MCCC1: variants seen among roughly 807,000 people sequenced by gnomAD.
MCCC1 encodes the protein methylcrotonoyl-CoA carboxylase subunit alpha, mitochondrial.
In MCCC1, 64 loss-of-function variants were observed where a neutral mutation model predicts 83.8. The ratio of observed to expected loss-of-function variants is 0.76; its 90% CI spans 0.62 to 0.94. MCCC1 has a LOEUF of 0.94. Among genes scored for constraint, MCCC1 ranks in the 40% least tolerant of loss-of-function variants. The probability of loss-of-function intolerance (pLI) is 0.00; values close to 1 mark genes in which losing one functional copy is unlikely to be tolerated. For missense variants in MCCC1, 807 were observed against 904.7 expected (o/e 0.89, Z 1.39); for synonymous variants, 322 against 315.4 (o/e 1.02, Z -0.22).
intron 14 of MCCC1, 83 bp downstream of exon 14, chr3:183,033,908 T>C (rs1713290818): frequency 9.3e-7 from 1 of 1,073,922 alleles, no homozygotes; most frequent in Non-Finnish European, 1.4e-6. Context: ...TGACTGATCA[T>C]GGCCAGGCTG....
chr3:183,038,067 C>A (rs983760555), intron 12 of MCCC1, among the ~76,000 whole-genome samples: 2 of 152,220 alleles, frequency 1.3e-5, no homozygotes, highest in African/African-American at 4.8e-5. Flanking sequence ...TCCTGAGCAT[C>A]TCTTAAGTGC....
chr3:183,115,159 T>C (rs1204531130), intron 1 of MCCC1, among the ~76,000 whole-genome samples: 2 of 152,146 alleles, frequency 1.3e-5, no homozygotes, highest in Non-Finnish European at 1.5e-5. Context: ...AGCCCTCTCA[T>C]GGAAAACAAT....
chr3:183,109,968 C>T (rs200849065), intron 1 of MCCC1, among the ~76,000 whole-genome samples: 2 of 152,106 alleles, frequency 1.3e-5, no homozygotes, highest in East Asian at 3.8e-4. Context: ...AGATGGATCT[C>T]ATTGTGATTT....
chr3:183,076,055 A>G (rs79544319), intron 4 of MCCC1, among the ~76,000 whole-genome samples: 7,239 of 152,304 alleles, frequency 0.048, 271 homozygotes, highest in Non-Finnish European at 0.066. Context: ...CTTTTGAGAT[A>G]TGATTTATAA....
intron 10 of MCCC1, among the ~76,000 whole-genome samples, 174 bp from the exon 11 acceptor site, chr3:183,041,924 A>T (rs942142492): frequency 1.3e-5 from 2 of 152,242 alleles, no homozygotes; most frequent in African/African-American, 2.4e-5. Flanking sequence ...ACAAAAAATT[A>T]AAAAACAGAT....
Position 183,061,808 on chromosome 3 carries a change from G to C in MCCC1, c.762-4386C>G, listed in dbSNP as rs544256768. On this transcript the variant is annotated intron_variant, in intron 7 of 18. Coordinates refer to ENST00000265594, the MANE Select transcript of MCCC1 (RefSeq NM_020166.5). ...TTCAAGCTCTTTACATGTTGGAGCTGAAGTGTTTGTTTTTCTAATTCCAAT... is the reference window on the plus strand; with the variant it reads ...TTCAAGCTCTTTACATGTTGGAGCTCAAGTGTTTGTTTTTCTAATTCCAAT... Among the ~76,000 whole-genome samples, 12 of 152,320 alleles carry C rather than the reference G, an allele frequency of 7.9e-5. No homozygotes were observed. The South Asian group carries it at 2.5e-3, about 32-fold the overall frequency.
chr3:183,082,811 C>CAAAA (rs1717609806), intron 4 of MCCC1, among the ~76,000 whole-genome samples: 1 of 152,050 alleles, frequency 6.6e-6, no homozygotes, highest in Non-Finnish European at 1.5e-5. Flanking sequence ...GACTTTGTTT[C>CAAAA]AAAAACAAAC....
intron 7 of MCCC1, among the ~76,000 whole-genome samples, chr3:183,060,326 G>A (rs897769425): frequency 6.6e-6 from 1 of 152,182 alleles, no homozygotes; most frequent in Non-Finnish European, 1.5e-5. Flanking sequence ...ATGGAAAGTT[G>A]AGGTCTGAGT....
intron 2 of MCCC1, among the ~76,000 whole-genome samples, chr3:183,093,531 T>C (rs554989649): frequency 1.6e-4 from 24 of 152,288 alleles, no homozygotes; most frequent in Middle Eastern, 3.4e-3. Context: ...GGCACCATAA[T>C]GACAAGCTAC....
chr3:183,071,689 G>C (rs1716704141), intron 5 of MCCC1, among the ~76,000 whole-genome samples: 1 of 141,020 alleles, frequency 7.1e-6, no homozygotes, highest in South Asian at 2.4e-4. Context: ...AAATATTATA[G>C]GTAAAACAAA....
intron 3 of MCCC1, among the ~76,000 whole-genome samples, chr3:183,088,269 C>A (rs1378701473): frequency 1.3e-5 from 2 of 150,380 alleles, no homozygotes; most frequent in Non-Finnish European, 3.0e-5. Context: ...TGTAGTGGCG[C>A]GATCTCGGCT....
At chr3:183,048,028 T>TA (rs1178878259) in intron 9 of MCCC1, among the ~76,000 whole-genome samples, 1 of 152,240 alleles carries the variant, frequency 6.6e-6, no homozygotes, top group Non-Finnish European at 1.5e-5. Context: ...ACTATGATGT[T>TA]ACAGTTGCCA....
chr3:183,030,621 A>C (rs1235841538), intron 14 of MCCC1, among the ~76,000 whole-genome samples: 1 of 152,190 alleles, frequency 6.6e-6, no homozygotes, highest in Admixed American at 6.5e-5. Context: ...AAAATTATCA[A>C]AATAAAAATG....
At chr3:183,037,497 T>C in intron 12 of MCCC1, 63 bp from the exon 13 acceptor site, 3 of 1,324,594 alleles carry the variant, frequency 2.3e-6, no homozygotes, top group Non-Finnish European at 3.2e-6. Context: ...CAGAAAACCA[T>C]CTGCTCTTTT....
chr3:183,043,092 C>T (rs560282032), intron 10 of MCCC1, among the ~76,000 whole-genome samples: 21 of 152,296 alleles, frequency 1.4e-4, no homozygotes, highest in Non-Finnish European at 2.2e-4. Context: ...GAATTCAAGA[C>T]CAGCCTGGCC....
chr3:183,035,693 G>T (rs1323454610), intron 13 of MCCC1, among the ~76,000 whole-genome samples: 1 of 149,336 alleles, frequency 6.7e-6, no homozygotes, highest in Non-Finnish European at 1.5e-5. Context: ...AACTGTATAG[G>T]GTAATATAAT....
chr3:183,075,433 T>C (rs1361421219), intron 4 of MCCC1, among the ~76,000 whole-genome samples: 8 of 152,192 alleles, frequency 5.3e-5, no homozygotes, highest in Admixed American at 2.0e-4. Context: ...GGTGTCTCAT[T>C]GTGGTTTTGA....
intron 7 of MCCC1, among the ~76,000 whole-genome samples, chr3:183,062,057 T>C (rs1715875108): frequency 6.6e-6 from 1 of 152,316 alleles, no homozygotes; most frequent in East Asian, 1.9e-4. Flanking sequence ...CTTGCTGTCA[T>C]GTAAGACACG....
rs1212599569 is a variant in MCCC1, at chr3:183,071,088, A to C, written c.672T>G (p.Phe224Leu). ...TCCGTGCTGACTCTAACTGTTCTTG[A>C]AATTCTTGTTCTGATCTAACAATCC... ...GMRIVRSEQE[F>L]QEQLESARRE... The change falls in exon 7 of 19, where the codon TTT (phenylalanine) becomes TTG (leucine). Residue 224 changes from phenylalanine to leucine, a missense_variant. Transcript: ENST00000265594. The C allele has an allele frequency of 6.2e-7, 1 of 1,614,250 alleles. No homozygotes were observed. Among genetic ancestry groups the C allele is most frequent in the South Asian group, 1.1e-5 (1 of 91,084 alleles).
Sources: gnomAD v4.1 joint callset for allele counts (sites outside exome capture counted in the v4.1 genomes callset) on GRCh38, gnomAD v4.1.1 for gene constraint, MANE v1.5 for transcripts, NCBI Gene and HGNC (gene_info 2026-07-23, HGNC 2026-07-21) for gene names.